The following LRCH1 variants were observed in gnomAD, a reference collection of about 807,000 sequenced individuals.
LRCH1 encodes leucine-rich repeat and calponin homology domain-containing protein 1.
Under a neutral mutation model 94.9 loss-of-function variants are expected in LRCH1, and 23 were observed. The ratio of observed to expected loss-of-function variants is 0.24; its 90% confidence interval spans 0.17 to 0.34. The LOEUF (loss-of-function observed/expected upper bound fraction) is 0.34. LRCH1 is among the 10% of genes least tolerant of loss of function. The probability of loss-of-function intolerance (pLI) is 1.00; values close to 1 mark genes in which losing one functional copy is unlikely to be tolerated. For synonymous variants in LRCH1, 364 were observed against 354.9 expected, an observed-to-expected ratio of 1.03 and a Z score of -0.29; for missense variants, 790 against 945.9, an observed-to-expected ratio of 0.84 and a Z score of 2.16.
chr13:46,569,534 A>G (rs908532308), intron 1 of LRCH1, among the ~76,000 whole-genome samples: 4 of 152,118 alleles, frequency 2.6e-5, no homozygotes, highest in Admixed American at 1.3e-4. Context: ...CACCAGGACC[A>G]TGTGGCGTAT....
At chr13:46,750,533 C>T in intron 18 of LRCH1, 1 of 1,535,680 alleles carries the variant, frequency 6.5e-7, no homozygotes, top group Non-Finnish European at 8.8e-7. Context: ...ATTCTTTTTC[C>T]TTTTAGGAAA....
At chr13:46,660,620 C>T (rs1164443507) in intron 2 of LRCH1, among the ~76,000 whole-genome samples, 7 of 152,186 alleles carry the variant, frequency 4.6e-5, no homozygotes, top group Non-Finnish European at 8.8e-5. Context: ...GACATGATAG[C>T]GCCTTCCTTT....
intron 1 of LRCH1, among the ~76,000 whole-genome samples, chr13:46,610,401 A>G (rs1272578772): frequency 6.6e-6 from 1 of 151,698 alleles, no homozygotes; most frequent in Non-Finnish European, 1.5e-5. Flanking sequence ...TGGTCACTAT[A>G]GTTATATATT....
At chr13:46,611,307 C>G (rs1165191225) in intron 1 of LRCH1, among the ~76,000 whole-genome samples, 2 of 152,192 alleles carry the variant, frequency 1.3e-5, no homozygotes, top group Non-Finnish European at 2.9e-5. Context: ...GCTGTGACAG[C>G]TTCCTTCTTC....
At chr13:46,553,833 C>T (rs2137885471) in intron 1 of LRCH1, 130 bp downstream of exon 1, 1 of 1,505,508 alleles carries the variant, frequency 6.6e-7, no homozygotes, top group East Asian at 2.5e-5. Context: ...CCCGTTGTCT[C>T]CCGAAGAAGG....
At chr13:46,658,739 C>A (rs1435271538) in intron 2 of LRCH1, among the ~76,000 whole-genome samples, 1 of 152,184 alleles carries the variant, frequency 6.6e-6, no homozygotes, top group Non-Finnish European at 1.5e-5. Context: ...CCTCAGACTC[C>A]CAAAGTGCTT....
chr13:46,562,169 A>G (rs368648523), intron 1 of LRCH1, among the ~76,000 whole-genome samples: 6 of 152,128 alleles, frequency 3.9e-5, no homozygotes, highest in African/African-American at 7.2e-5. Context: ...ACTTGTGCAT[A>G]GTTTGCTGAT....
At chr13:46,626,483 A>C (rs1395684608) in intron 1 of LRCH1, among the ~76,000 whole-genome samples, 3 of 152,214 alleles carry the variant, frequency 2.0e-5, no homozygotes, top group African/African-American at 7.2e-5. Flanking sequence ...GGTACTTTGT[A>C]ATTCTCCTTA....
chr13:46,725,465 A>G (rs190503329), intron 17 of LRCH1, among the ~76,000 whole-genome samples: 160 of 152,336 alleles, frequency 1.1e-3, no homozygotes, highest in Middle Eastern at 3.4e-3. Context: ...TATTCTAGGT[A>G]ATGGATGTAG....
chr13:46,607,061 A>G (rs2050695881), intron 1 of LRCH1, among the ~76,000 whole-genome samples: 1 of 152,064 alleles, frequency 6.6e-6, no homozygotes, highest in African/African-American at 2.4e-5. Context: ...GGGGTTGGCT[A>G]GGCGCTGGGA....
chr13:46,594,043 G>A (rs768476279), intron 1 of LRCH1, among the ~76,000 whole-genome samples: 8 of 152,076 alleles, frequency 5.3e-5, no homozygotes, highest in Non-Finnish European at 1.2e-4. Flanking sequence ...TCATAGGATA[G>A]ATACCAGGTT....
At chr13:46,620,263 GC>G (rs886875819) in intron 1 of LRCH1, among the ~76,000 whole-genome samples, 3 of 151,972 alleles carry the variant, frequency 2.0e-5, no homozygotes, top group African/African-American at 4.8e-5. Context: ...TACTTGTGAG[GC>G]TGAGGTGGTA....
At chr13:46,712,288 A>G (rs1330038413) in intron 14 of LRCH1, among the ~76,000 whole-genome samples, 2 of 152,204 alleles carry the variant, frequency 1.3e-5, no homozygotes, top group South Asian at 2.1e-4. Context: ...ACGTAATTGT[A>G]AAATGTTCTT....
chr13:46,691,713 C>T (rs1041363048), intron 7 of LRCH1, among the ~76,000 whole-genome samples: 8 of 152,112 alleles, frequency 5.3e-5, no homozygotes, highest in African/African-American at 1.2e-4. Context: ...TTTTTTAAGA[C>T]GGAGTCTTGT....
At position 46,564,492 on chromosome 13, in the gene LRCH1, C is replaced by T. The variant is rs950065527; in HGVS notation, c.307+10789C>T. 3.3e-5 allele frequency among the ~76,000 whole-genome samples: 5 copies of T among 152,162 alleles called. No individual in the cohort carries two copies. The South Asian group carries it at 1.0e-3, about 31-fold the overall frequency. ...ATAATTCTCTCCCCTCTGGCCATTC[C>T]GGCCAGGGGTCGGAGGTTCCCCACA... On this transcript the variant is annotated intron_variant, in intron 1 of 19. Transcript: ENST00000389797.
intron 1 of LRCH1, among the ~76,000 whole-genome samples, chr13:46,564,566 G>A (rs1406854015): frequency 2.0e-5 from 3 of 152,186 alleles, no homozygotes; most frequent in Non-Finnish European, 4.4e-5. Flanking sequence ...GGAAACAAGG[G>A]TTGGCATAAG....
At chr13:46,612,888 AAGAC>A (rs2050762708) in intron 1 of LRCH1, among the ~76,000 whole-genome samples, 1 of 152,162 alleles carries the variant, frequency 6.6e-6, no homozygotes, top group South Asian at 2.1e-4. Flanking sequence ...AAATTTAAGA[AAGAC>A]AGTCATTTTA....
At chr13:46,684,461 A>G (rs1160095252) in intron 4 of LRCH1, among the ~76,000 whole-genome samples, 1 of 152,148 alleles carries the variant, frequency 6.6e-6, no homozygotes, top group Non-Finnish European at 1.5e-5. Context: ...TTAGCCCTCT[A>G]GTCTTGCTTT....
At position 46,686,123 on chromosome 13, in the gene LRCH1, G is replaced by C. The variant is rs112559023; in HGVS notation, c.822+82G>C. On this transcript the variant is annotated intron_variant, in intron 5 of 19. Coordinates refer to ENST00000389797, the MANE Select transcript of LRCH1 (RefSeq NM_001164211.2). ...AGGGAAAATTTCCCCTTCACCCTCT[G>C]AAAGTTTGCTGAAAATCACTAATCA... 2.1e-3 allele frequency: 2,768 copies of C among 1,319,784 alleles called. 41 individuals carry two copies. The African/African-American group carries it at 0.037, about 18-fold the overall frequency. The allele number at this position is 1,319,784 out of a possible 1,614,324, so 81.8% of individuals were successfully genotyped here. A position where few individuals can be genotyped will look rare whatever the true frequency, so the allele number is the denominator to read the frequency against.
Sources: gnomAD v4.1 joint callset for allele counts (sites outside exome capture counted in the v4.1 genomes callset) on GRCh38, gnomAD v4.1.1 for gene constraint, MANE v1.5 for transcripts, NCBI Gene and HGNC (gene_info 2026-07-23, HGNC 2026-07-21) for gene names.